The following PEAK1 variants were observed in gnomAD, a reference collection of about 807,000 sequenced individuals.
The protein encoded by PEAK1 is pseudopodium enriched atypical kinase 1, also known as inactive tyrosine-protein kinase PEAK1.
Under a neutral mutation model 124.7 loss-of-function variants are expected in PEAK1, and 54 were observed. The observed-to-expected ratio is 0.43, with a 90% CI of 0.35 to 0.54. PEAK1 has a LOEUF of 0.54. PEAK1 is among the 20% of genes least tolerant of loss of function. The pLI, the probability that PEAK1 is intolerant of heterozygous loss-of-function variation, is 0.01. For synonymous variants in PEAK1, 719 were observed against 760.0 expected (o/e 0.95, Z 0.89); for missense variants, 2,046 against 2,134.5 (o/e 0.96, Z 0.82).
intron 8 of PEAK1, among the ~76,000 whole-genome samples, chr15:77,141,905 A>C (rs1399491120): frequency 6.6e-6 from 1 of 152,200 alleles, no homozygotes; most frequent in African/African-American, 2.4e-5. Flanking sequence ...AAACGTAGGA[A>C]TAAATCTTTG....
chr15:77,184,474 C>T (rs913671726), intron 6 of PEAK1, among the ~76,000 whole-genome samples: 1 of 152,244 alleles, frequency 6.6e-6, no homozygotes, highest in Non-Finnish European at 1.5e-5. Context: ...TAGGTATTTA[C>T]CCAAGATAAA....
chr15:77,246,154 G>A lies in PEAK1; in HGVS notation c.-115+6213C>T, dbSNP rs759181032. 7.2e-5 allele frequency among the ~76,000 whole-genome samples: 11 copies of A among 151,982 alleles called. 1 individual carries two copies. Among genetic ancestry groups the A allele is most frequent in the Admixed American group, 6.5e-5 (1 of 15,276 alleles). On this transcript the variant is annotated intron_variant, in intron 6 of 9. Transcript: ENST00000682557. The stretch of plus-strand genomic sequence containing the variant: ...CTCTCGAGTAGCTGGGACTACAGGC[G>A]CGTGCCACCATTCCCAGCTAATTTT...
chr15:77,362,622 C>T (rs965253460), intron 2 of PEAK1, among the ~76,000 whole-genome samples: 4 of 152,176 alleles, frequency 2.6e-5, no homozygotes, highest in African/African-American at 7.2e-5. Context: ...ATGTTAAACA[C>T]GGAGTTATTA....
At chr15:77,348,562 G>A in intron 2 of PEAK1, 1 of 968,264 alleles carries the variant, frequency 1.0e-6, no homozygotes, top group Non-Finnish European at 1.2e-6. Context: ...GCAAGCTTAA[G>A]TGACCAGCCC....
chr15:77,396,443 G>A (rs898543648), intron 1 of PEAK1, among the ~76,000 whole-genome samples: 2 of 151,828 alleles, frequency 1.3e-5, no homozygotes, highest in African/African-American at 4.8e-5. Flanking sequence ...GAAAGTAAAT[G>A]AACGAAACTC....
chr15:77,259,983 C>G (rs962003570), intron 5 of PEAK1, among the ~76,000 whole-genome samples: 3 of 152,084 alleles, frequency 2.0e-5, no homozygotes, highest in Non-Finnish European at 2.9e-5. Flanking sequence ...TAGATAAAAA[C>G]GTTACATTAA....
chr15:77,216,308 T>C (rs1371120961), intron 6 of PEAK1, among the ~76,000 whole-genome samples: 6 of 152,220 alleles, frequency 3.9e-5, no homozygotes, highest in Admixed American at 3.9e-4. Context: ...AAAAACTGCA[T>C]GGATTTTCAA....
chr15:77,283,823 G>T, intron 5 of PEAK1, 60 bp downstream of exon 5: 1 of 817,320 alleles, frequency 1.2e-6, no homozygotes, highest in Non-Finnish European at 1.5e-6. Context: ...CTTAATCCAG[G>T]AATAAATGAA....
chr15:77,115,370 T>TG, intron 9 of PEAK1, 51 bp from the exon 10 acceptor site: 1 of 1,515,976 alleles, frequency 6.6e-7, no homozygotes, highest in South Asian at 1.2e-5. Context: ...ACCAGGTTTA[T>TG]GATGTATCAG....
intron 2 of PEAK1, among the ~76,000 whole-genome samples, chr15:77,346,960 A>T (rs2066908773): frequency 6.6e-6 from 1 of 152,240 alleles, no homozygotes; most frequent in Non-Finnish European, 1.5e-5. Flanking sequence ...AAGTGAGTTG[A>T]GAAGCACCAA....
At chr15:77,177,427 A>G (rs1424098410) in intron 7 of PEAK1, among the ~76,000 whole-genome samples, 1 of 152,162 alleles carries the variant, frequency 6.6e-6, no homozygotes, top group African/African-American at 2.4e-5. Context: ...GCATTTTGAC[A>G]ACAATTTGGA....
At chr15:77,305,961 T>G (rs1175550838) in intron 2 of PEAK1, among the ~76,000 whole-genome samples, 1 of 152,240 alleles carries the variant, frequency 6.6e-6, no homozygotes, top group Non-Finnish European at 1.5e-5. Flanking sequence ...GGCTGACTAT[T>G]AGGTTACTGC....
intron 2 of PEAK1, among the ~76,000 whole-genome samples, chr15:77,317,879 G>A (rs2064971781): frequency 6.6e-6 from 1 of 152,108 alleles, no homozygotes; most frequent in Non-Finnish European, 1.5e-5. Context: ...GTAACAATTT[G>A]GATAGATCTC....
chr15:77,371,672 G>A (rs892392004), intron 1 of PEAK1, among the ~76,000 whole-genome samples: 8 of 152,266 alleles, frequency 5.3e-5, no homozygotes, highest in African/African-American at 1.9e-4. Context: ...AGGATCACTC[G>A]AGGTCCAGAG....
At chr15:77,297,324 A>C (rs2063534483) in intron 2 of PEAK1, among the ~76,000 whole-genome samples, 1 of 151,830 alleles carries the variant, frequency 6.6e-6, no homozygotes, top group African/African-American at 2.4e-5. Context: ...ATTCACTCCA[A>C]GCTGAAAATT....
chr15:77,351,085 A>C lies in PEAK1; in HGVS notation c.-603+14078T>G, dbSNP rs961797467. The C allele has an allele frequency of 3.1e-5, 8 of 254,780 alleles. No homozygotes were observed. The South Asian group carries it at 1.2e-3, about 37-fold the overall frequency. The allele number at this position is 254,780 out of a possible 1,614,324, so 15.8% of individuals were successfully genotyped here. On this transcript the variant is annotated intron_variant, in intron 2 of 9. Transcript: ENST00000682557. ...GAAGGCTTTGCTTACAGACATGCAAACATTACATAATGAGACAAGTGCCAT... is the reference window on the plus strand; with the variant it reads ...GAAGGCTTTGCTTACAGACATGCAACCATTACATAATGAGACAAGTGCCAT...
chr15:77,336,087 A>G, intron 2 of PEAK1: 1 of 985,450 alleles, frequency 1.0e-6, no homozygotes, highest in Non-Finnish European at 1.2e-6. Flanking sequence ...CTGCTATGAA[A>G]GACTAAACAG....
chr15:77,274,420 GA>G (rs1030696056), intron 5 of PEAK1, among the ~76,000 whole-genome samples: 2 of 147,046 alleles, frequency 1.4e-5, no homozygotes, highest in African/African-American at 5.0e-5. Context: ...AAATTAGCAA[GA>G]AAAAAAAAAT....
intron 7 of PEAK1, among the ~76,000 whole-genome samples, chr15:77,169,842 A>C (rs1298049525): frequency 6.6e-6 from 1 of 152,208 alleles, no homozygotes; most frequent in African/African-American, 2.4e-5. Context: ...TGGCTTGAGC[A>C]ACTGAATGAA....
Sources: gnomAD v4.1 joint callset for allele counts (sites outside exome capture counted in the v4.1 genomes callset) on GRCh38, gnomAD v4.1.1 for gene constraint, MANE v1.5 for transcripts, NCBI Gene and HGNC (gene_info 2026-07-23, HGNC 2026-07-21) for gene names.